The following SMIM14 variants were observed in gnomAD, a reference collection of about 807,000 sequenced individuals.
The protein encoded by SMIM14 is small integral membrane protein 14.
SMIM14 carries 5 observed loss-of-function variants against 12.6 expected under a neutral mutation model. The ratio of observed to expected loss-of-function variants is 0.40; its 90% CI spans 0.21 to 0.83. SMIM14 has a LOEUF of 0.83. SMIM14 is among the 40% of genes least tolerant of loss of function. The pLI is 0.37. For missense variants in SMIM14, 86 were observed against 119.1 expected (o/e 0.72, Z 1.29); for synonymous variants, 30 against 40.1 (o/e 0.75, Z 0.95).
At chr4:39,619,876 A>ATATTT (rs71192884) in intron 1 of SMIM14, among the ~76,000 whole-genome samples, 2,358 of 115,830 alleles carry the variant, frequency 0.02, 25 homozygotes, top group East Asian at 0.031. Context: ...ATATATATAT[A>ATATTT]TTTTTTTTTT....
chr4:39,615,199 T>C (rs1715176843), intron 1 of SMIM14, among the ~76,000 whole-genome samples: 1 of 152,138 alleles, frequency 6.6e-6, no homozygotes, highest in Non-Finnish European at 1.5e-5. Context: ...CCTCCCGAAG[T>C]GTTGGGATTA....
At chr4:39,552,278 G>A in intron 4 of SMIM14, 120 bp from the exon 5 acceptor site, 2 of 706,550 alleles carry the variant, frequency 2.8e-6, no homozygotes, top group Non-Finnish European at 2.2e-6. Context: ...CTAACACATA[G>A]AGAAACAACT....
chr4:39,635,548 T>C (rs1276809104), intron 1 of SMIM14, among the ~76,000 whole-genome samples: 1 of 151,988 alleles, frequency 6.6e-6, no homozygotes, highest in Non-Finnish European at 1.5e-5. Context: ...CTGATGGCAG[T>C]AGGGATGGGA....
intron 2 of SMIM14, among the ~76,000 whole-genome samples, chr4:39,592,312 A>G (rs1714146106): frequency 7.1e-6 from 1 of 141,440 alleles, no homozygotes; most frequent in Non-Finnish European, 1.5e-5. Flanking sequence ...TTTGTTGCTC[A>G]GGCTGGTTTC....
intron 2 of SMIM14, among the ~76,000 whole-genome samples, chr4:39,600,779 G>C (rs1436765854): frequency 6.6e-6 from 1 of 152,130 alleles, no homozygotes; most frequent in Non-Finnish European, 1.5e-5. Context: ...GCTGAGGCAG[G>C]AGAATCGCTT....
At chr4:39,579,599 T>C (rs1018952118) in intron 2 of SMIM14, among the ~76,000 whole-genome samples, 11 of 151,914 alleles carry the variant, frequency 7.2e-5, no homozygotes, top group Admixed American at 4.6e-4. Flanking sequence ...TCCCAGCGCT[T>C]TGAAAGGCCG....
At chr4:39,553,093 C>T (rs1711806179) in intron 4 of SMIM14, among the ~76,000 whole-genome samples, 1 of 151,160 alleles carries the variant, frequency 6.6e-6, no homozygotes, top group Non-Finnish European at 1.5e-5. Flanking sequence ...CAGAGTCTCA[C>T]TCTGTCGCCC....
At chr4:39,579,410 C>CAAAAAAAA (rs11300565) in intron 2 of SMIM14, among the ~76,000 whole-genome samples, 3 of 102,228 alleles carry the variant, frequency 2.9e-5, no homozygotes, top group African/African-American at 7.3e-5. Context: ...ACAGTGCCTC[C>CAAAAAAAA]AAAAAAAAAA....
At chr4:39,611,488 C>A (rs995266108) in intron 1 of SMIM14, among the ~76,000 whole-genome samples, 1 of 147,576 alleles carries the variant, frequency 6.8e-6, no homozygotes, top group Non-Finnish European at 1.5e-5. Flanking sequence ...CCTGAGCAAC[C>A]GAGCAAGACT....
At chr4:39,616,095 A>G (rs1017168827) in intron 1 of SMIM14, among the ~76,000 whole-genome samples, 3 of 152,146 alleles carry the variant, frequency 2.0e-5, no homozygotes, top group African/African-American at 4.8e-5. Flanking sequence ...AAAACAAGGA[A>G]GGGACATCCC....
chr4:39,578,992 C>CA (rs201636070), intron 2 of SMIM14, among the ~76,000 whole-genome samples: 17,171 of 71,586 alleles, frequency 0.24, 1,584 homozygotes, highest in South Asian at 0.44. Context: ...GTGAGACTGT[C>CA]AAAAAAAAAA....
chr4:39,615,163 G>T (rs1398716622), intron 1 of SMIM14, among the ~76,000 whole-genome samples: 1 of 151,960 alleles, frequency 6.6e-6, no homozygotes, highest in Non-Finnish European at 1.5e-5. Flanking sequence ...TTGAACTCCT[G>T]GGCTCAAGTG....
At chr4:39,582,139 G>A (rs1433421930) in intron 2 of SMIM14, among the ~76,000 whole-genome samples, 2 of 151,962 alleles carry the variant, frequency 1.3e-5, no homozygotes. Context: ...CCAAAGTGCT[G>A]GGATTACAGG....
At chr4:39,609,788 A>G (rs889743388) in intron 1 of SMIM14, among the ~76,000 whole-genome samples, 1 of 152,192 alleles carries the variant, frequency 6.6e-6, no homozygotes, top group Non-Finnish European at 1.5e-5. Context: ...GAAAACTGAG[A>G]AAAGGGAAGC....
At chr4:39,574,721 C>G (rs1034076115) in intron 2 of SMIM14, among the ~76,000 whole-genome samples, 17 of 152,188 alleles carry the variant, frequency 1.1e-4, no homozygotes, top group Admixed American at 2.0e-4. Flanking sequence ...GCTTTTATTA[C>G]TGTGCCATAC....
At chr4:39,617,848 T>C (rs537141019) in intron 1 of SMIM14, among the ~76,000 whole-genome samples, 2 of 152,360 alleles carry the variant, frequency 1.3e-5, no homozygotes, top group East Asian at 3.9e-4. Flanking sequence ...GTTGGTATAG[T>C]ATTTTGTTAA....
In SMIM14 at chr4:39,631,576, A is replaced by G. The variant is rs200635672; in HGVS notation, c.-36+7163T>C. Among the ~76,000 whole-genome samples the G allele has an allele frequency of 1.3e-3, 203 of 151,338 alleles. 3 individuals carry two copies. In the East Asian group the frequency reaches 0.034, roughly 25 times the overall value. On this transcript the variant is annotated intron_variant, in intron 1 of 4. Coordinates refer to ENST00000295958, the MANE Select transcript of SMIM14 (RefSeq NM_174921.3). ...CGGGAGGCTGAGGCAGGAGAATGGC[A>G]TGAACCCGGGAAGCGGAGCTTGCAG...
chr4:39,625,313 T>C (rs949007674), intron 1 of SMIM14, among the ~76,000 whole-genome samples: 1 of 151,986 alleles, frequency 6.6e-6, no homozygotes, highest in Admixed American at 6.6e-5. Context: ...TCTAAAGCTA[T>C]ACCTGGGAGA....
At chr4:39,594,735 T>C (rs1173309414) in intron 2 of SMIM14, 4 of 149,152 alleles carry the variant, frequency 2.7e-5, no homozygotes, top group South Asian at 2.1e-4. Flanking sequence ...CATCAAAAAG[T>C]GGGCAAAGGA....
Sources: allele counts gnomAD v4.1 joint callset (sites outside exome capture counted in the v4.1 genomes callset), GRCh38; gene constraint gnomAD v4.1.1; transcripts MANE v1.5; gene names NCBI Gene and HGNC (gene_info 2026-07-23, HGNC 2026-07-21).